The following DGKI variants were observed in gnomAD, a reference collection of about 807,000 sequenced individuals.
The protein encoded by DGKI is diacylglycerol kinase iota.
DGKI carries 55 observed loss-of-function variants against 147.5 expected under a neutral mutation model. The observed-to-expected ratio is 0.37, with a 90% CI of 0.30 to 0.47. The LOEUF is 0.47. DGKI is among the 20% of genes least tolerant of loss of function. The probability of loss-of-function intolerance (pLI) is 1.00; values close to 1 mark genes in which losing one functional copy is unlikely to be tolerated. For synonymous variants in DGKI, 469 were observed against 477.1 expected (o/e 0.98, Z 0.22); for missense variants, 1,007 against 1,323.8 (o/e 0.76, Z 3.71).
At chr7:137,668,060 C>T (rs270905) in intron 3 of DGKI, among the ~76,000 whole-genome samples, 1 of 152,204 alleles carries the variant, frequency 6.6e-6, no homozygotes, top group Non-Finnish European at 1.5e-5. Context: ...GAGTGGAAGT[C>T]TTTCTAACCC....
intron 26 of DGKI, among the ~76,000 whole-genome samples, chr7:137,464,194 T>G (rs1479387827): frequency 6.7e-6 from 1 of 148,488 alleles, no homozygotes. Flanking sequence ...GAGGCGGAGC[T>G]TGCAGTGAGC....
intron 30 of DGKI, among the ~76,000 whole-genome samples, chr7:137,403,440 G>T (rs191762200): frequency 6.6e-6 from 1 of 152,278 alleles, no homozygotes; most frequent in Admixed American, 6.5e-5. Flanking sequence ...TGTTGTGTCT[G>T]GGAGAATAAC....
At chr7:137,474,842 A>T (rs1563041922) in intron 23 of DGKI, among the ~76,000 whole-genome samples, 1 of 152,156 alleles carries the variant, frequency 6.6e-6, no homozygotes, top group Non-Finnish European at 1.5e-5. Context: ...GAGGCACGAC[A>T]ATCCTGGCGC....
intron 1 of DGKI, among the ~76,000 whole-genome samples, chr7:137,819,460 G>A (rs1345212949): frequency 1.3e-5 from 2 of 151,920 alleles, no homozygotes; most frequent in East Asian, 1.9e-4. Context: ...ACAGGCGCCC[G>A]CCACCACGCC....
chr7:137,413,458 C>T (rs1451582445), intron 28 of DGKI, among the ~76,000 whole-genome samples: 1 of 151,980 alleles, frequency 6.6e-6, no homozygotes, highest in Non-Finnish European at 1.5e-5. Flanking sequence ...CTAGAGTTCC[C>T]AGTGTCTATT....
At chr7:137,797,721 C>T (rs1163486296) in intron 1 of DGKI, among the ~76,000 whole-genome samples, 3 of 151,678 alleles carry the variant, frequency 2.0e-5, no homozygotes, top group African/African-American at 7.3e-5. Flanking sequence ...AGATGTTTAA[C>T]ACAAAAGAAG....
chr7:137,791,202 T>G (rs567567987), intron 1 of DGKI, among the ~76,000 whole-genome samples: 1 of 152,318 alleles, frequency 6.6e-6, no homozygotes, highest in African/African-American at 2.4e-5. Flanking sequence ...TTATCCACTC[T>G]ATTTCTCCTC....
chr7:137,429,086 C>A (rs1347680767), intron 28 of DGKI, among the ~76,000 whole-genome samples: 3 of 151,858 alleles, frequency 2.0e-5, no homozygotes, highest in African/African-American at 7.3e-5. Flanking sequence ...AAAGAGCCCA[C>A]ATCACCAAGT....
intron 1 of DGKI, among the ~76,000 whole-genome samples, chr7:137,826,407 T>C (rs1201753524): frequency 6.6e-6 from 1 of 152,226 alleles, no homozygotes; most frequent in Admixed American, 6.5e-5. Flanking sequence ...GCACTCCATT[T>C]ACTGAAGATT....
At position 137,388,473 on chromosome 7, in the gene DGKI, A is replaced by G. The variant is rs1433813855; in HGVS notation, c.*2747T>C. 6.6e-6 allele frequency: 1 copy of G among 152,136 alleles called. No individual in the cohort carries two copies. Among genetic ancestry groups the G allele is most frequent in the Admixed American group, 6.6e-5 (1 of 15,258 alleles). 9.4% of individuals were successfully genotyped at this position (152,136 alleles called of 1,614,324 possible). The stretch of plus-strand genomic sequence containing the variant: ...TGTCTCAGTAGGCTTTGTAGAAATG[A>G]TATTTCTATAGGTACATATTTTTAT... On this transcript the variant is annotated 3_prime_UTR_variant, in exon 33 of 33. Coordinates refer to ENST00000614521, the MANE Select transcript of DGKI (RefSeq NM_001321708.2).
At chr7:137,835,451 A>T (rs936199407) in intron 1 of DGKI, among the ~76,000 whole-genome samples, 15 of 152,190 alleles carry the variant, frequency 9.9e-5, no homozygotes, top group African/African-American at 3.6e-4. Context: ...CTGAAATGCA[A>T]TTGCTATAAA....
chr7:137,615,112 T>G (rs1170258138), intron 8 of DGKI, among the ~76,000 whole-genome samples: 1 of 152,116 alleles, frequency 6.6e-6, no homozygotes, highest in Non-Finnish European at 1.5e-5. Context: ...CCACCTTGGA[T>G]AGATAGGCCA....
rs925604344 is a variant in DGKI, at chr7:137,496,514, TA to T, written c.2249-8826del. On this transcript the variant is annotated intron_variant, in intron 21 of 32. Transcript: ENST00000614521. ...CAAATAGCCAAGGAAATAATAATAA[TA>T]AAAAAAAAGCTGGAGGCATCACAAT... Among the ~76,000 whole-genome samples the T allele has an allele frequency of 4.7e-5, 7 of 149,046 alleles. 1 individual carries two copies. The highest frequency in any genetic ancestry group is 2.0e-4 in the East Asian group (1 of 5,088).
At chr7:137,796,144 C>T (rs1444306201) in intron 1 of DGKI, among the ~76,000 whole-genome samples, 1 of 152,150 alleles carries the variant, frequency 6.6e-6, no homozygotes, top group Non-Finnish European at 1.5e-5. Flanking sequence ...GAAGGAAAAA[C>T]AGCCAACAGA....
intron 1 of DGKI, among the ~76,000 whole-genome samples, chr7:137,769,414 A>T (rs375997045): frequency 1.5e-4 from 23 of 152,356 alleles, no homozygotes; most frequent in African/African-American, 4.1e-4. Flanking sequence ...TCACTGAGTG[A>T]TAACAATTAA....
At chr7:137,492,529 C>T (rs1404110314) in intron 21 of DGKI, among the ~76,000 whole-genome samples, 1 of 152,134 alleles carries the variant, frequency 6.6e-6, no homozygotes, top group African/African-American at 2.4e-5. Context: ...GAAGGAATGA[C>T]ATACTCTCAC....
chr7:137,845,515 C>T (rs1013696147), intron 1 of DGKI, among the ~76,000 whole-genome samples: 1 of 152,178 alleles, frequency 6.6e-6, no homozygotes, highest in Admixed American at 6.5e-5. Context: ...TAAACCTATG[C>T]TTGCATATCA....
chr7:137,839,210 A>G (rs1317625945), intron 1 of DGKI, among the ~76,000 whole-genome samples: 2 of 152,196 alleles, frequency 1.3e-5, no homozygotes, highest in Non-Finnish European at 1.5e-5. Context: ...CAAAGCACTA[A>G]GAAGCAGCTT....
chr7:137,615,741 C>T (rs1013356692), intron 8 of DGKI, among the ~76,000 whole-genome samples: 1 of 152,124 alleles, frequency 6.6e-6, no homozygotes, highest in African/African-American at 2.4e-5. Flanking sequence ...TTTTTACTGT[C>T]ATCTATGAAC....
Sources: gnomAD v4.1 joint callset for allele counts (sites outside exome capture counted in the v4.1 genomes callset) on GRCh38, gnomAD v4.1.1 for gene constraint, MANE v1.5 for transcripts, NCBI Gene and HGNC (gene_info 2026-07-23, HGNC 2026-07-21) for gene names.